PDE1A: variants seen among roughly 807,000 people sequenced by gnomAD.
The protein encoded by PDE1A is phosphodiesterase 1A.
A neutral mutation model predicts 61.7 loss-of-function variants in PDE1A; 35 were observed. The ratio of observed to expected loss-of-function variants is 0.57; its 90% CI spans 0.43 to 0.75. PDE1A has a LOEUF of 0.75. Among genes scored for constraint, PDE1A ranks in the 30% least tolerant of loss-of-function variants. The pLI is 0.00. For missense variants in PDE1A, 597 were observed against 630.6 expected, an observed-to-expected ratio of 0.95 and a Z score of 0.57; for synonymous variants, 232 against 213.2, an observed-to-expected ratio of 1.09 and a Z score of -0.77.
the PDE1A span, among the ~76,000 whole-genome samples, chr2:182,703,152 CAA>C: frequency 6.6e-6 from 1 of 152,100 alleles, no homozygotes; most frequent in Non-Finnish European, 1.5e-5. Flanking sequence ...GGTAAGTAGT[CAA>C]GTTATATATT....
At chr2:182,181,405 G>A (rs989750714) in intron 13 of PDE1A, among the ~76,000 whole-genome samples, 12 of 152,160 alleles carry the variant, frequency 7.9e-5, no homozygotes, top group African/African-American at 2.9e-4. Flanking sequence ...TGTCACCTAG[G>A]TTTCACCAAT....
intron 6 of PDE1A, 28 bp downstream of exon 6, chr2:182,229,978 C>G (rs1173933344): frequency 6.3e-7 from 1 of 1,584,600 alleles, no homozygotes; most frequent in Non-Finnish European, 8.6e-7. Flanking sequence ...TCCAAACTAA[C>G]AAACCTCAGT....
chr2:182,561,738 G>T, the PDE1A span, among the ~76,000 whole-genome samples: 1 of 152,010 alleles, frequency 6.6e-6, no homozygotes, highest in Non-Finnish European at 1.5e-5. Context: ...TCCTTGAGCA[G>T]TGGTTTGTAG....
At position 182,333,293 on chromosome 2, in the gene PDE1A, C is replaced by T. The variant is rs575737571; in HGVS notation, c.54-68879G>A. Among the ~76,000 whole-genome samples, 51 of 152,298 alleles carry T rather than the reference C, an allele frequency of 3.3e-4. No individual in the cohort carries two copies. In the South Asian group the frequency reaches 9.5e-3, roughly 28 times the overall value. On this transcript the variant is annotated intron_variant, in intron 1 of 13. Transcript: ENST00000351439. ...AGAATATACATTCTTCTCAGCACCA[C>T]ATCACACTTCTTATAAAACTCACCA...
At chr2:182,640,846 C>G in the PDE1A span, among the ~76,000 whole-genome samples, 1 of 151,628 alleles carries the variant, frequency 6.6e-6, no homozygotes, top group Non-Finnish European at 1.5e-5. Context: ...ATAGTAAAAC[C>G]TCGTTTCTAC....
At chr2:182,482,249 T>A (rs772740358) in intron 2 of PDE1A, among the ~76,000 whole-genome samples, 9 of 151,964 alleles carry the variant, frequency 5.9e-5, no homozygotes, top group Non-Finnish European at 1.3e-4. Flanking sequence ...TATATAACTT[T>A]TAGGTTATCA....
the PDE1A span, among the ~76,000 whole-genome samples, chr2:182,680,997 G>A: frequency 6.6e-6 from 1 of 152,190 alleles, no homozygotes; most frequent in Non-Finnish European, 1.5e-5. Context: ...GAAAAGGGCA[G>A]TAACTTTCAG....
intron 2 of PDE1A, among the ~76,000 whole-genome samples, chr2:182,516,152 T>G (rs562652600): frequency 1.8e-4 from 28 of 152,254 alleles, no homozygotes; most frequent in African/African-American, 6.7e-4. Flanking sequence ...AGAAATCTGG[T>G]GCAAATTTCA....
At chr2:182,439,342 A>G (rs1452388809) in intron 2 of PDE1A, among the ~76,000 whole-genome samples, 1 of 151,996 alleles carries the variant, frequency 6.6e-6, no homozygotes, top group Non-Finnish European at 1.5e-5. Context: ...TTGCATAAAT[A>G]TAAAATTATG....
At chr2:182,259,064 A>C (rs1484100896) in intron 2 of PDE1A, among the ~76,000 whole-genome samples, 1 of 152,210 alleles carries the variant, frequency 6.6e-6, no homozygotes. Context: ...GATTCCTTGG[A>C]AAGTCCCTCT....
chr2:182,258,268 C>G (rs932560056), intron 2 of PDE1A, among the ~76,000 whole-genome samples: 1 of 152,092 alleles, frequency 6.6e-6, no homozygotes, highest in Admixed American at 6.6e-5. Context: ...GTTTGGAGAA[C>G]AGGAGGAAGG....
intron 10 of PDE1A, among the ~76,000 whole-genome samples, chr2:182,198,881 A>G (rs530183892): frequency 5.7e-4 from 86 of 152,014 alleles, no homozygotes; most frequent in Admixed American, 2.4e-3. Context: ...AACTGGCATT[A>G]TTTCTTCCTG....
At chr2:182,706,389 G>C in the PDE1A span, among the ~76,000 whole-genome samples, 4 of 152,106 alleles carry the variant, frequency 2.6e-5, no homozygotes, top group Non-Finnish European at 4.4e-5. Flanking sequence ...AGTTCTGTTT[G>C]ATGTTTTACA....
At chr2:182,676,788 A>T in the PDE1A span, among the ~76,000 whole-genome samples, 1 of 152,234 alleles carries the variant, frequency 6.6e-6, no homozygotes, top group African/African-American at 2.4e-5. Flanking sequence ...GTAATTCATC[A>T]CATAAAGAGA....
At chr2:182,489,140 G>A (rs36105371) in intron 2 of PDE1A, among the ~76,000 whole-genome samples, 11,283 of 152,148 alleles carry the variant, frequency 0.074, 1,354 homozygotes, top group African/African-American at 0.26. Context: ...AGGTGAGAGG[G>A]TGCACTATGA....
At chr2:182,169,755 T>A (rs1691961370) in intron 13 of PDE1A, among the ~76,000 whole-genome samples, 1 of 151,986 alleles carries the variant, frequency 6.6e-6, no homozygotes, top group Non-Finnish European at 1.5e-5. Flanking sequence ...CCAGATCCTT[T>A]CTTGTCCTAG....
chr2:182,373,335 A>C (rs833113), intron 1 of PDE1A, among the ~76,000 whole-genome samples: 1,754 of 152,320 alleles, frequency 0.012, 36 homozygotes, highest in African/African-American at 0.039. Context: ...GCCAAATGAC[A>C]AGGGACTGCT....
intron 1 of PDE1A, among the ~76,000 whole-genome samples, chr2:182,424,694 T>C (rs1478875281): frequency 6.6e-6 from 1 of 152,210 alleles, no homozygotes; most frequent in Non-Finnish European, 1.5e-5. Context: ...CCAAACTTTC[T>C]CTGTGCAATT....
chr2:182,547,294 C>T, the PDE1A span, among the ~76,000 whole-genome samples: 1 of 152,096 alleles, frequency 6.6e-6, no homozygotes, highest in Non-Finnish European at 1.5e-5. Flanking sequence ...CTTTTGCTGT[C>T]CATATGTGTC....
Sources: allele counts gnomAD v4.1 joint callset (sites outside exome capture counted in the v4.1 genomes callset), GRCh38; gene constraint gnomAD v4.1.1; transcripts MANE v1.5; gene names NCBI Gene and HGNC (gene_info 2026-07-23, HGNC 2026-07-21).